The following PCDHA7 variants were observed in gnomAD, a reference collection of about 807,000 sequenced individuals.
PCDHA7 encodes protocadherin alpha 7.
Under a neutral mutation model 57.2 loss-of-function variants are expected in PCDHA7, and 37 were observed. That is an observed-to-expected ratio of 0.65 (90% CI 0.50 to 0.85). PCDHA7 has a LOEUF of 0.85. PCDHA7 is among the 40% of genes least tolerant of loss of function. PCDHA7 has a pLI of 0.00. For synonymous variants in PCDHA7, 553 were observed against 558.8 expected, an observed-to-expected ratio of 0.99 and a Z score of 0.15; for missense variants, 1,188 against 1,241.8, an observed-to-expected ratio of 0.96 and a Z score of 0.65.
At chr5:140,848,219 T>A in intron 1 of PCDHA7, 1 of 368,880 alleles carries the variant, frequency 2.7e-6, no homozygotes, top group Non-Finnish European at 4.9e-6. Flanking sequence ...TAAGAAAAAA[T>A]TAAGAAAATG....
intron 1 of PCDHA7, among the ~76,000 whole-genome samples, chr5:140,915,121 A>G (rs982484419): frequency 1.1e-4 from 16 of 151,600 alleles, no homozygotes; most frequent in African/African-American, 3.9e-4. Flanking sequence ...CCTAATTTTT[A>G]TATTTTTAGT....
At chr5:140,890,356 T>C (rs139351817) in intron 1 of PCDHA7, among the ~76,000 whole-genome samples, 50 of 152,308 alleles carry the variant, frequency 3.3e-4, no homozygotes, top group African/African-American at 1.2e-3. Context: ...TATATAGCAA[T>C]GGATAACCTG....
chr5:140,928,128 A>C (rs782708968), intron 1 of PCDHA7: 1 of 1,614,194 alleles, frequency 6.2e-7, no homozygotes, highest in Admixed American at 1.7e-5. Context: ...GTGAATACCA[A>C]GTCCTGATCA....
Position 140,929,287 on chromosome 5 carries a change from C to T in PCDHA7, c.2356-49662C>T, listed in dbSNP as rs782325052. On this transcript the variant is annotated intron_variant, in intron 1 of 3. Transcript: ENST00000525929. The stretch of plus-strand genomic sequence containing the variant: ...TTTGCCAATATCCTGTATTCAGATT[C>T]GGAATAGGAAAGGGGATCACGCTAA... 13 of 1,598,668 alleles carry T rather than the reference C, an allele frequency of 8.1e-6. No homozygotes were observed. In the East Asian group the frequency reaches 2.5e-4, roughly 30 times the overall value.
At chr5:140,839,269 T>TA (rs1554137370) in intron 1 of PCDHA7, among the ~76,000 whole-genome samples, 3 of 152,098 alleles carry the variant, frequency 2.0e-5, no homozygotes, top group African/African-American at 7.2e-5. Flanking sequence ...CATGTATATT[T>TA]AAAACCTTCC....
At chr5:140,974,879 A>G (rs1259634156) in intron 1 of PCDHA7, among the ~76,000 whole-genome samples, 1 of 152,212 alleles carries the variant, frequency 6.6e-6, no homozygotes, top group Non-Finnish European at 1.5e-5. Flanking sequence ...CAGTCTATGT[A>G]TCCCTTTTCT....
rs1265467066 is a variant in PCDHA7 at position 140,843,106 on chromosome 5, C to A, written c.2355+6368C>A. On this transcript the variant is annotated intron_variant, in intron 1 of 3. Coordinates refer to ENST00000525929, the MANE Select transcript of PCDHA7 (RefSeq NM_018910.3). ...CGGGCCACGTGGTAGCGAAGGTGCGCGCAGTGGACGCCGACTCGGGCTACA... is the reference window on the plus strand; with the variant it reads ...CGGGCCACGTGGTAGCGAAGGTGCGAGCAGTGGACGCCGACTCGGGCTACA... 1.7e-5 allele frequency: 27 copies of A among 1,595,592 alleles called. 2 individuals are homozygous for A. The highest frequency in any genetic ancestry group is 8.4e-5 in the Admixed American group (5 of 59,298).
At chr5:140,862,877 G>A (rs782429840) in intron 1 of PCDHA7, 3 of 567,440 alleles carry the variant, frequency 5.3e-6, no homozygotes, top group African/African-American at 3.8e-5. Context: ...CCAGGTATTA[G>A]TGCTGGAACG....
At position 140,928,315 on chromosome 5, in the gene PCDHA7, G is replaced by A. The variant is rs535660713; in HGVS notation, c.2356-50634G>A. On this transcript the variant is annotated intron_variant, in intron 1 of 3. Coordinates refer to ENST00000525929, the MANE Select transcript of PCDHA7 (RefSeq NM_018910.3). ...AGTGTTTGCCCAGGACCCCGACCTG[G>A]GGAAGAATGGCCTTGTCTCTTATGA... The A allele has an allele frequency of 1.3e-4, 210 of 1,614,054 alleles. No homozygotes were observed. Among genetic ancestry groups the A allele is most frequent in the Non-Finnish European group, 1.7e-4 (203 of 1,180,048 alleles).
intron 1 of PCDHA7, among the ~76,000 whole-genome samples, chr5:140,879,217 G>A (rs1163771659): frequency 6.6e-6 from 1 of 152,164 alleles, no homozygotes; most frequent in African/African-American, 2.4e-5. Context: ...GAAATGAATT[G>A]AAAAAGACAT....
At chr5:140,966,821 C>T (rs1554228738) in intron 1 of PCDHA7, 1 of 1,557,928 alleles carries the variant, frequency 6.4e-7, no homozygotes, top group Admixed American at 1.9e-5. Flanking sequence ...GCTCCGGCGG[C>T]CCATGCCCTG....
chr5:140,945,635 T>C (rs1200996842), intron 1 of PCDHA7, among the ~76,000 whole-genome samples: 1 of 152,024 alleles, frequency 6.6e-6, no homozygotes, highest in Admixed American at 6.5e-5. Context: ...ATAAAAGACA[T>C]GTAGACCAAT....
chr5:140,981,687 A>ATCAT (rs200213847), intron 2 of PCDHA7, among the ~76,000 whole-genome samples: 1,547 of 152,086 alleles, frequency 0.01, 18 homozygotes, highest in African/African-American at 0.031. Flanking sequence ...CCTCCCTTCC[A>ATCAT]TCATTCATTC....
intron 1 of PCDHA7, among the ~76,000 whole-genome samples, chr5:140,948,219 T>G (rs1285446038): frequency 6.6e-6 from 1 of 151,682 alleles, no homozygotes; most frequent in Non-Finnish European, 1.5e-5. Context: ...CAAACATTGT[T>G]AGATTTAACT....
intron 1 of PCDHA7, chr5:140,841,773 G>T (rs1292935559): frequency 6.2e-7 from 1 of 1,613,894 alleles, no homozygotes; most frequent in Admixed American, 1.7e-5. Flanking sequence ...CCAGACTCTC[G>T]GTTTCCGCTA....
intron 1 of PCDHA7, chr5:140,841,625 T>C (rs1425270500): frequency 1.9e-6 from 3 of 1,614,028 alleles, no homozygotes; most frequent in African/African-American, 1.3e-5. Flanking sequence ...GAGCGCGGAG[T>C]GCAGCATCCA....
intron 1 of PCDHA7, chr5:140,884,589 C>G: frequency 1.9e-6 from 3 of 1,614,146 alleles, no homozygotes; most frequent in Admixed American, 3.3e-5. Context: ...GCCTTCAGTC[C>G]CAGCCTTCCT....
At chr5:140,981,849 T>C (rs1460050544) in intron 2 of PCDHA7, among the ~76,000 whole-genome samples, 2 of 152,202 alleles carry the variant, frequency 1.3e-5, no homozygotes, top group African/African-American at 4.8e-5. Flanking sequence ...AGTTTGTATC[T>C]CACTCCCAGC....
At chr5:140,849,264 A>T (rs2150433927) in intron 1 of PCDHA7, 1 of 1,131,868 alleles carries the variant, frequency 8.8e-7, no homozygotes, top group East Asian at 2.6e-5. Context: ...AAACGTTTCT[A>T]TCGGAACGCT....
Sources: gnomAD v4.1 joint callset for allele counts (sites outside exome capture counted in the v4.1 genomes callset) on GRCh38, gnomAD v4.1.1 for gene constraint, MANE v1.5 for transcripts, NCBI Gene and HGNC (gene_info 2026-07-23, HGNC 2026-07-21) for gene names.